Variants in CSMD3 observed in about 807,000 individuals in gnomAD.
The protein encoded by CSMD3 is CUB and sushi domain-containing protein 3.
Under a neutral mutation model 435.2 loss-of-function variants are expected in CSMD3, and 177 were observed. The ratio of observed to expected loss-of-function variants is 0.41; its 90% confidence interval spans 0.36 to 0.46. The LOEUF is 0.46. CSMD3 is among the 20% of genes least tolerant of loss of function. The pLI, the probability that CSMD3 is intolerant of heterozygous loss-of-function variation, is 0.34. For synonymous variants in CSMD3, 1,656 were observed against 1,520.5 expected, an observed-to-expected ratio of 1.09 and a Z score of -2.07; for missense variants, 4,265 against 4,504.6, an observed-to-expected ratio of 0.95 and a Z score of 1.52.
chr8:113,145,130 G>A (rs1402354464), intron 4 of CSMD3, among the ~76,000 whole-genome samples: 1 of 151,514 alleles, frequency 6.6e-6, no homozygotes, highest in Non-Finnish European at 1.5e-5. Context: ...CAAAGGAAAG[G>A]GTGGGGTGCT....
intron 13 of CSMD3, among the ~76,000 whole-genome samples, chr8:112,770,256 A>G (rs983918890): frequency 2.6e-5 from 4 of 151,892 alleles, no homozygotes; most frequent in Admixed American, 2.6e-4. Flanking sequence ...AGGAGGTAGG[A>G]CCTTTAAAGG....
At chr8:112,790,419 A>C (rs549105645) in intron 13 of CSMD3, among the ~76,000 whole-genome samples, 1 of 152,168 alleles carries the variant, frequency 6.6e-6, no homozygotes, top group South Asian at 2.1e-4. Context: ...CAGTTTCAAA[A>C]AAAAAAAATC....
At chr8:112,726,074 G>A (rs1046983244) in intron 13 of CSMD3, among the ~76,000 whole-genome samples, 1 of 151,874 alleles carries the variant, frequency 6.6e-6, no homozygotes, top group Non-Finnish European at 1.5e-5. Flanking sequence ...GAGAATGAAC[G>A]CAGGAGGAAC....
intron 3 of CSMD3, among the ~76,000 whole-genome samples, chr8:113,253,472 T>G (rs987959836): frequency 1.3e-5 from 2 of 148,370 alleles, no homozygotes; most frequent in Non-Finnish European, 3.0e-5. Flanking sequence ...TTTAAAACTG[T>G]TTTTTTTTTC....
At chr8:113,147,059 T>C (rs1024226551) in intron 4 of CSMD3, among the ~76,000 whole-genome samples, 2 of 151,666 alleles carry the variant, frequency 1.3e-5, no homozygotes, top group Non-Finnish European at 3.0e-5. Context: ...ACATGCAACA[T>C]TATATATTTT....
intron 43 of CSMD3, 63 bp downstream of exon 43, chr8:112,337,480 T>C (rs1824686843): frequency 3.8e-6 from 5 of 1,301,050 alleles, no homozygotes; most frequent in Admixed American, 3.4e-5. Context: ...AAGTAAAAAG[T>C]GCCAAAACAA....
At chr8:112,578,463 A>G (rs756843940) in intron 23 of CSMD3, among the ~76,000 whole-genome samples, 1 of 151,854 alleles carries the variant, frequency 6.6e-6, no homozygotes, top group African/African-American at 2.4e-5. Context: ...AGCAGTCTCT[A>G]CAAATTGGCA....
intron 16 of CSMD3, among the ~76,000 whole-genome samples, chr8:112,674,650 A>T (rs935563445): frequency 2.0e-5 from 3 of 152,136 alleles, no homozygotes; most frequent in Non-Finnish European, 4.4e-5. Context: ...TGAACTAAAC[A>T]GCTCTCCCTC....
Position 113,214,428 on chromosome 8 carries a change from G to A in CSMD3, c.515-40512C>T, listed in dbSNP as rs1187675990. The stretch of plus-strand genomic sequence containing the variant: ...AATGCATGTTCGGTTATTTGAGTAT[G>A]ATACTGGCATCAGTATTACACATTT... On this transcript the variant is annotated intron_variant, in intron 3 of 70. Coordinates refer to ENST00000297405, the MANE Select transcript of CSMD3 (RefSeq NM_198123.2). Among the ~76,000 whole-genome samples the A allele has an allele frequency of 2.0e-5, 3 of 151,986 alleles. No individual in the cohort carries two copies. The East Asian group carries it at 5.8e-4, about 30-fold the overall frequency.
At chr8:112,423,643 C>T (rs1015609758) in intron 32 of CSMD3, among the ~76,000 whole-genome samples, 1 of 152,038 alleles carries the variant, frequency 6.6e-6, no homozygotes, top group Non-Finnish European at 1.5e-5. Flanking sequence ...CAGAGTTTCA[C>T]CATGTTGCCC....
intron 1 of CSMD3, among the ~76,000 whole-genome samples, chr8:113,401,142 G>A (rs973800736): frequency 6.6e-6 from 1 of 151,690 alleles, no homozygotes; most frequent in African/African-American, 2.4e-5. Context: ...AAGGAACACT[G>A]TTAGAAATAT....
intron 1 of CSMD3, among the ~76,000 whole-genome samples, chr8:113,327,732 T>C (rs151083529): frequency 1.2e-3 from 175 of 152,116 alleles, no homozygotes; most frequent in African/African-American, 4.1e-3. Context: ...CATGGAGATT[T>C]CTCCATGGTT....
intron 4 of CSMD3, among the ~76,000 whole-genome samples, chr8:113,101,524 A>G (rs2090329965): frequency 6.6e-6 from 1 of 151,922 alleles, no homozygotes; most frequent in South Asian, 2.1e-4. Context: ...TCTCTACATG[A>G]TCTCTTTGAA....
At chr8:112,316,725 C>T (rs1224968381) in intron 47 of CSMD3, among the ~76,000 whole-genome samples, 2 of 151,790 alleles carry the variant, frequency 1.3e-5, no homozygotes, top group African/African-American at 4.8e-5. Context: ...TTAAAGTGCT[C>T]AAAATCTCCT....
chr8:112,424,819 G>A (rs1297618682), intron 32 of CSMD3, among the ~76,000 whole-genome samples: 1 of 152,102 alleles, frequency 6.6e-6, no homozygotes, highest in African/African-American at 2.4e-5. Flanking sequence ...AACCTCCCGA[G>A]TAGCTGGGAC....
intron 22 of CSMD3, among the ~76,000 whole-genome samples, chr8:112,611,127 C>T (rs1390694825): frequency 1.3e-5 from 2 of 152,252 alleles, no homozygotes; most frequent in East Asian, 3.9e-4. Flanking sequence ...TTCATTATGA[C>T]AAATTTTAGC....
At chr8:112,606,132 A>T (rs1832772262) in intron 22 of CSMD3, among the ~76,000 whole-genome samples, 1 of 152,154 alleles carries the variant, frequency 6.6e-6, no homozygotes, top group Non-Finnish European at 1.5e-5. Context: ...TGGCATCATA[A>T]AATCCAAAAA....
In CSMD3 at chr8:112,608,484, G is replaced by A. The variant is rs1832969382; in HGVS notation, c.3716-21249C>T. ...AGCCATATAGCTAAAGCAGTCTTGA[G>A]CAAGAAGAATGAAGCTGATGGCATC... is the stretch of plus-strand genomic sequence containing the variant. On this transcript the variant is annotated intron_variant, in intron 22 of 70. Coordinates refer to ENST00000297405, the MANE Select transcript of CSMD3 (RefSeq NM_198123.2). 3.3e-5 allele frequency among the ~76,000 whole-genome samples: 5 copies of A among 151,932 alleles called. No individual in the cohort carries two copies. In the South Asian group the frequency reaches 1.0e-3, roughly 32 times the overall value.
In CSMD3 at chr8:112,224,762, G is replaced by A. The variant is rs1040825656; in HGVS notation, c.*9C>T. ...TTCCAAGCTTCTGAAGAAGGCAAAG[G>A]TTGCCTCGTTATACCATTGTGCAAA... On this transcript the variant is annotated 3_prime_UTR_variant, in exon 71 of 71. Transcript: ENST00000297405. 1 of 1,613,798 alleles carries A rather than the reference G, an allele frequency of 6.2e-7. No individual in the cohort carries two copies. Among genetic ancestry groups the A allele is most frequent in the Non-Finnish European group, 8.5e-7 (1 of 1,179,726 alleles).
Sources: allele counts gnomAD v4.1 joint callset (sites outside exome capture counted in the v4.1 genomes callset), GRCh38; gene constraint gnomAD v4.1.1; transcripts MANE v1.5; gene names NCBI Gene and HGNC (gene_info 2026-07-23, HGNC 2026-07-21).